KIFAP3: variants seen among roughly 807,000 people sequenced by gnomAD.
KIFAP3 encodes kinesin-associated protein 3.
In KIFAP3, 68 loss-of-function variants were observed where a neutral mutation model predicts 106.5. The observed-to-expected ratio is 0.64, with a 90% confidence interval of 0.53 to 0.78. The LOEUF (loss-of-function observed/expected upper bound fraction) is 0.78, where lower values mean the gene tolerates loss of function less well. Ranked by LOEUF, KIFAP3 falls within the 30% of genes least tolerant of loss-of-function variation. KIFAP3 has a pLI of 0.00. For missense variants in KIFAP3, 780 were observed against 941.8 expected (o/e 0.83, Z 2.25); for synonymous variants, 320 against 311.5 (o/e 1.03, Z -0.29).
intron 1 of KIFAP3, among the ~76,000 whole-genome samples, chr1:170,067,348 C>T (rs1338730826): frequency 1.3e-5 from 2 of 152,060 alleles, no homozygotes; most frequent in Non-Finnish European, 2.9e-5. Context: ...CTGGCACTCC[C>T]CAGAAGCACT....
chr1:170,057,739 G>A (rs536478268), intron 1 of KIFAP3, among the ~76,000 whole-genome samples: 9 of 151,654 alleles, frequency 5.9e-5, no homozygotes, highest in African/African-American at 1.7e-4. Context: ...ATTTCCAAAC[G>A]TTCTACTTGA....
chr1:170,022,020 G>A (rs1222608044), intron 9 of KIFAP3, among the ~76,000 whole-genome samples: 1 of 129,920 alleles, frequency 7.7e-6, no homozygotes, highest in East Asian at 2.5e-4. Context: ...CATGATCTCA[G>A]TTCACTGCAA....
upstream of KIFAP3, among the ~76,000 whole-genome samples, chr1:170,076,299 A>G (rs1340103911): frequency 2.0e-5 from 3 of 152,198 alleles, no homozygotes; most frequent in African/African-American, 4.8e-5. Context: ...CAATAAATAG[A>G]TAGCTGAAAC....
rs1371842833 is a variant in KIFAP3 at position 170,055,418 on chromosome 1, A to T, written c.51T>A (p.Asn17Lys). 1.3e-6 allele frequency: 2 copies of T among 1,595,946 alleles called. No individual in the cohort carries two copies. Among genetic ancestry groups the T allele is most frequent in the South Asian group, 2.3e-5 (2 of 88,294 alleles). Residue 17 changes from asparagine (N) to lysine (K), a missense_variant, in exon 2 of 20, where the codon AAT (asparagine) becomes AAA (lysine). By Grantham distance (94) the Asn-to-Lys change is moderately conservative (BLOSUM62 0). Coordinates refer to ENST00000361580, the MANE Select transcript of KIFAP3 (RefSeq NM_014970.4). ...CTTTTTCTGATGGATGTACATCTAT[A>T]TTCCCTCCTTTAACTTTCCTATAAT... ...RYLKRKVKGG[N>K]IDVHPSEKAL...
chr1:169,946,739 T>A (rs1664456985), intron 19 of KIFAP3, among the ~76,000 whole-genome samples: 1 of 152,042 alleles, frequency 6.6e-6, no homozygotes, highest in Non-Finnish European at 1.5e-5. Context: ...AGACTTCATA[T>A]ACTTAGATTT....
chr1:170,062,377 G>GT (rs1557874258), intron 1 of KIFAP3, among the ~76,000 whole-genome samples: 2 of 148,394 alleles, frequency 1.3e-5, no homozygotes, highest in African/African-American at 5.1e-5. Context: ...TTTGTGTTTG[G>GT]TTTTTTCATT....
chr1:170,063,839 C>T (rs1671303468), intron 1 of KIFAP3, among the ~76,000 whole-genome samples: 2 of 152,086 alleles, frequency 1.3e-5, no homozygotes, highest in Admixed American at 1.3e-4. Context: ...AGTAAAATAC[C>T]TTTTGGGATA....
intron 12 of KIFAP3, among the ~76,000 whole-genome samples, chr1:169,984,166 C>T (rs1473271449): frequency 6.6e-6 from 1 of 151,720 alleles, no homozygotes; most frequent in Admixed American, 6.6e-5. Context: ...CAAACACATA[C>T]TACTTTTCAA....
chr1:169,982,661 T>G (rs1666586350), intron 14 of KIFAP3, 41 bp downstream of exon 14: 1 of 1,364,002 alleles, frequency 7.3e-7, no homozygotes. Context: ...CAGAAAGAAA[T>G]AACTTAGTGA....
intron 8 of KIFAP3, 61 bp from the exon 9 acceptor site, chr1:170,024,657 A>C: frequency 9.4e-7 from 1 of 1,058,876 alleles, no homozygotes. Context: ...AATTTAGAAA[A>C]TCATTTCTAC....
chr1:170,059,801 C>T (rs1478677165), intron 1 of KIFAP3, among the ~76,000 whole-genome samples: 1 of 152,176 alleles, frequency 6.6e-6, no homozygotes, highest in Non-Finnish European at 1.5e-5. Context: ...AGCAGCACAT[C>T]AAAAAGCTTA....
intron 10 of KIFAP3, among the ~76,000 whole-genome samples, chr1:169,994,811 T>A (rs1374543304): frequency 6.6e-6 from 1 of 152,042 alleles, no homozygotes; most frequent in Non-Finnish European, 1.5e-5. Flanking sequence ...AAATTTCACA[T>A]TTCTTCTATT....
At chr1:170,015,453 G>C (rs1322225333) in intron 10 of KIFAP3, among the ~76,000 whole-genome samples, 1 of 152,124 alleles carries the variant, frequency 6.6e-6, no homozygotes, top group Non-Finnish European at 1.5e-5. Context: ...TTTTGAAAGT[G>C]CTCCTTAATA....
chr1:169,962,320 G>A (rs1199381969), intron 17 of KIFAP3, among the ~76,000 whole-genome samples: 1 of 152,122 alleles, frequency 6.6e-6, no homozygotes, highest in Non-Finnish European at 1.5e-5. Flanking sequence ...TGGTTTTGAA[G>A]GACAAACAGG....
In KIFAP3 at chr1:169,961,091, GA is replaced by G; in HGVS notation, c.2127del (p.His710MetfsTer18). The part of the protein sequence containing the change: ...LYGDDRIEPY[I>X]HEGDILERPD... Reference sequence around the variant, plus strand: ...GGTCTTTCGAGAATATCTCCTTCATGAATGTATGGCTCAATTCGATCATCAC... The same window carrying G: ...GGTCTTTCGAGAATATCTCCTTCATGATGTATGGCTCAATTCGATCATCAC... On this transcript the variant is annotated frameshift_variant, in exon 18 of 20. Coordinates refer to ENST00000361580, the MANE Select transcript of KIFAP3 (RefSeq NM_014970.4). LOFTEE classifies it high-confidence loss of function. The G allele has an allele frequency of 6.2e-7, 1 of 1,613,250 alleles. No individual in the cohort carries two copies. Among genetic ancestry groups the G allele is most frequent in the Non-Finnish European group, 8.5e-7 (1 of 1,179,524 alleles).
chr1:169,950,891 G>A (rs1224307054), intron 19 of KIFAP3, among the ~76,000 whole-genome samples: 1 of 151,826 alleles, frequency 6.6e-6, no homozygotes, highest in African/African-American at 2.4e-5. Flanking sequence ...TGAAATATAT[G>A]AATAATTATG....
intron 7 of KIFAP3, 141 bp from the exon 8 acceptor site, chr1:170,032,125 A>T (rs933177640): frequency 3.5e-6 from 2 of 573,272 alleles, no homozygotes; most frequent in Non-Finnish European, 6.3e-6. Flanking sequence ...CTAAAATGTT[A>T]TCTGCATAAT....
intron 19 of KIFAP3, 102 bp downstream of exon 19, chr1:169,953,909 C>T (rs1664870638): frequency 1.5e-5 from 12 of 781,526 alleles, no homozygotes; most frequent in Middle Eastern, 2.3e-4. Context: ...GGTTTTTTCC[C>T]CCCTCTTAAT....
rs571954048 is a variant in KIFAP3 at position 169,954,165 on chromosome 1, C to T, written c.2174-55G>A. 5.0e-6 allele frequency: 5 copies of T among 997,128 alleles called. No homozygotes were observed. The African/African-American group carries it at 8.0e-5, about 16-fold the overall frequency. The allele number at this position is 997,128 out of a possible 1,614,324, so 61.8% of individuals were successfully genotyped here. ...AAACATATGTGTAGGAAAAACCTGT[C>T]TATCAAGCAATACAATAAGAAAATA... On this transcript the variant is annotated intron_variant, in intron 18 of 19. Transcript: ENST00000361580.
Sources: gnomAD v4.1 joint callset for allele counts (sites outside exome capture counted in the v4.1 genomes callset) on GRCh38, gnomAD v4.1.1 for gene constraint, MANE v1.5 for transcripts, NCBI Gene and HGNC (gene_info 2026-07-23, HGNC 2026-07-21) for gene names.